TRIO: variants seen among roughly 807,000 people sequenced by gnomAD.
TRIO encodes the protein triple functional domain protein.
TRIO carries 58 observed loss-of-function variants against 351.9 expected under a neutral mutation model. The observed-to-expected ratio is 0.16, with a 90% CI of 0.13 to 0.21. The LOEUF (loss-of-function observed/expected upper bound fraction) is 0.21, where lower values mean the gene tolerates loss of function less well. Among genes scored for constraint, TRIO ranks in the 10% least tolerant of loss-of-function variants. The pLI, the probability that TRIO is intolerant of heterozygous loss-of-function variation, is 1.00. For missense variants in TRIO, 3,201 were observed against 4,027.8 expected, an observed-to-expected ratio of 0.79 and a Z score of 5.56; for synonymous variants, 1,758 against 1,595.7, an observed-to-expected ratio of 1.10 and a Z score of -2.42.
At chr5:14,315,725 C>T (rs1739328053) in intron 8 of TRIO, among the ~76,000 whole-genome samples, 4 of 152,090 alleles carry the variant, frequency 2.6e-5, no homozygotes, top group East Asian at 1.9e-4. Flanking sequence ...TAACATCTGG[C>T]GTAATTAATT....
chr5:14,424,248 T>A (rs1750445762), intron 34 of TRIO, among the ~76,000 whole-genome samples: 1 of 152,108 alleles, frequency 6.6e-6, no homozygotes. Flanking sequence ...CAAAGGCCGA[T>A]TCAAAACTGC....
intron 48 of TRIO, among the ~76,000 whole-genome samples, chr5:14,491,764 C>T (rs568312140): frequency 5.9e-5 from 9 of 152,220 alleles, no homozygotes; most frequent in East Asian, 5.8e-4. Context: ...ACAGGGGCAG[C>T]GGTATAAGGG....
chr5:14,221,432 T>C (rs960839604), intron 1 of TRIO, among the ~76,000 whole-genome samples: 1 of 152,206 alleles, frequency 6.6e-6, no homozygotes. Flanking sequence ...CTGCCATAGA[T>C]AGTGATTCCT....
chr5:14,232,710 T>C (rs1407449878), intron 1 of TRIO, among the ~76,000 whole-genome samples: 1 of 152,242 alleles, frequency 6.6e-6, no homozygotes, highest in Non-Finnish European at 1.5e-5. Flanking sequence ...GATGACAAAC[T>C]TAAAAAATTG....
At chr5:14,457,274 A>G (rs1579711027) in intron 34 of TRIO, among the ~76,000 whole-genome samples, 2 of 150,574 alleles carry the variant, frequency 1.3e-5, no homozygotes, top group African/African-American at 2.4e-5. Context: ...GTAGGAACTC[A>G]GGGCAAGAAC....
chr5:14,464,668 C>G (rs1045198601), intron 36 of TRIO, among the ~76,000 whole-genome samples: 2 of 152,136 alleles, frequency 1.3e-5, no homozygotes, highest in African/African-American at 4.8e-5. Flanking sequence ...GTGTAAAAGC[C>G]TTGTTGTGAG....
chr5:14,473,423 T>G (rs533190144), intron 39 of TRIO, among the ~76,000 whole-genome samples: 14 of 152,372 alleles, frequency 9.2e-5, no homozygotes, highest in Admixed American at 2.0e-4. Context: ...TTTAACATGC[T>G]TGATTTATCT....
intron 9 of TRIO, among the ~76,000 whole-genome samples, chr5:14,328,995 A>G (rs868614220): frequency 6.6e-6 from 1 of 152,200 alleles, no homozygotes; most frequent in Non-Finnish European, 1.5e-5. Flanking sequence ...GACCTTGACC[A>G]GAAAGGACCC....
intron 1 of TRIO, among the ~76,000 whole-genome samples, chr5:14,253,401 G>A (rs116368882): frequency 0.012 from 1,876 of 152,306 alleles, 40 homozygotes; most frequent in African/African-American, 0.042. Context: ...TGTCACCCAG[G>A]TTGGAGTGCA....
In TRIO at chr5:14,487,544, G is replaced by GGGGGCA. The variant is rs1435392375; in HGVS notation, c.6918_6923dup (p.Gly2307_Ser2308insArgGly). 3 of 1,066,592 alleles carry GGGGGCA rather than the reference G, an allele frequency of 2.8e-6. No homozygotes were observed. Among genetic ancestry groups the GGGGGCA allele is most frequent in the Non-Finnish European group, 3.4e-6 (3 of 873,850 alleles). 66.1% of individuals were successfully genotyped at this position (1,066,592 alleles called of 1,614,324 possible). On this transcript the variant is annotated inframe_insertion, in exon 48 of 57. Transcript: ENST00000344204. The stretch of plus-strand genomic sequence containing the variant: ...CGGCAGCGGGGGCAGCGGCGGGGGT[G>GGGGGCA]GGGGCAGCGGCGGCGGCGGGGCCCC...
At chr5:14,306,328 A>G (rs1738366413) in intron 8 of TRIO, among the ~76,000 whole-genome samples, 1 of 152,240 alleles carries the variant, frequency 6.6e-6, no homozygotes, top group Admixed American at 6.5e-5. Flanking sequence ...TCTGTTAGAA[A>G]CTATTTAAAT....
chr5:14,460,615 C>A (rs1753707091), intron 34 of TRIO, among the ~76,000 whole-genome samples: 2 of 152,230 alleles, frequency 1.3e-5, no homozygotes, highest in Non-Finnish European at 2.9e-5. Flanking sequence ...CCTTTAAATT[C>A]ATTCTTCTTT....
rs16903397 is a variant in TRIO, at chr5:14,326,288, C to T, written c.1732-4490C>T. On this transcript the variant is annotated intron_variant, in intron 9 of 56. Transcript: ENST00000344204. ...AATGACCGTAATCATGCCACCATCA[C>T]GTTCAGTCTTGCAATTAGGACCTTG... 5.6e-3 allele frequency among the ~76,000 whole-genome samples: 848 copies of T among 152,348 alleles called. 8 individuals carry two copies. The highest frequency in any genetic ancestry group is 0.018 in the African/African-American group (761 of 41,576).
chr5:14,448,385 G>T (rs759727481), intron 34 of TRIO, among the ~76,000 whole-genome samples: 8 of 152,202 alleles, frequency 5.3e-5, no homozygotes. Flanking sequence ...CTGCATCCTC[G>T]CCCTCAGCCT....
At chr5:14,305,990 A>G (rs968983040) in intron 8 of TRIO, among the ~76,000 whole-genome samples, 7 of 152,240 alleles carry the variant, frequency 4.6e-5, no homozygotes, top group African/African-American at 1.2e-4. Context: ...GCTGCTCCCT[A>G]TAGCCTAGGT....
chr5:14,445,891 G>T (rs1461016400), intron 34 of TRIO, among the ~76,000 whole-genome samples: 2 of 152,192 alleles, frequency 1.3e-5, no homozygotes, highest in African/African-American at 4.8e-5. Flanking sequence ...TCTCTCTCCA[G>T]TTAAAAAGAA....
intron 1 of TRIO, among the ~76,000 whole-genome samples, chr5:14,212,199 T>A (rs1285719136): frequency 6.6e-6 from 1 of 152,156 alleles, no homozygotes; most frequent in East Asian, 1.9e-4. Context: ...TTATAGTTTG[T>A]AGAGTACTCA....
In TRIO at chr5:14,154,717, C is replaced by G. The variant is rs1230959456; in HGVS notation, c.157+10835C>G. Among the ~76,000 whole-genome samples, 9 of 152,154 alleles carry G rather than the reference C, an allele frequency of 5.9e-5. No homozygotes were observed. In the East Asian group the frequency reaches 1.7e-3, roughly 29 times the overall value. On this transcript the variant is annotated intron_variant, in intron 1 of 56. Transcript: ENST00000344204. ...CACACTGGGAATATGCTCTGTTTTTCTGTGTGACTCCACGTTTACTTTGGA... is the reference window on the plus strand; with the variant it reads ...CACACTGGGAATATGCTCTGTTTTTGTGTGTGACTCCACGTTTACTTTGGA...
intron 1 of TRIO, among the ~76,000 whole-genome samples, chr5:14,268,284 G>C (rs1475645730): frequency 6.6e-6 from 1 of 152,220 alleles, no homozygotes; most frequent in Non-Finnish European, 1.5e-5. Context: ...GAATATGACA[G>C]CCCTCACTTC....
Sources: gnomAD v4.1 joint callset for allele counts (sites outside exome capture counted in the v4.1 genomes callset) on GRCh38, gnomAD v4.1.1 for gene constraint, MANE v1.5 for transcripts, NCBI Gene and HGNC (gene_info 2026-07-23, HGNC 2026-07-21) for gene names.